SNX13: variants seen among roughly 807,000 people sequenced by gnomAD.
SNX13 encodes sorting nexin 13, also known as sorting nexin-13.
SNX13 carries 45 observed loss-of-function variants against 133.6 expected under a neutral mutation model. The observed-to-expected ratio is 0.34, with a 90% CI of 0.27 to 0.43. The LOEUF is 0.43. Among genes scored for constraint, SNX13 ranks in the 20% least tolerant of loss-of-function variants. The pLI, the probability that SNX13 is intolerant of heterozygous loss-of-function variation, is 1.00. For missense variants in SNX13, 1,032 were observed against 1,145.1 expected, an observed-to-expected ratio of 0.90 and a Z score of 1.43; for synonymous variants, 414 against 373.9, an observed-to-expected ratio of 1.11 and a Z score of -1.24.
chr7:17,940,138 A>T, intron 1 of SNX13, 146 bp downstream of exon 1: 2 of 1,045,388 alleles, frequency 1.9e-6, no homozygotes, highest in Non-Finnish European at 2.9e-6. Context: ...CTCTGAGGGC[A>T]CTTGTAGGAT....
rs1269315491 is a variant in SNX13 at position 17,890,498 on chromosome 7, ATTGG to A, written c.319-18_319-15del. 2.6e-6 allele frequency: 4 copies of A among 1,539,086 alleles called. No homozygotes were observed. The Admixed American group carries it at 8.4e-5, about 32-fold the overall frequency. ...AAACTGGATAACCTATAACAAAAAT[ATTGG>A]AAAAAAAATTACAACATTTTAGGAT... On this transcript the variant is annotated splice_polypyrimidine_tract_variant and intron_variant, in intron 4 of 25. Transcript: ENST00000428135.
intron 25 of SNX13, chr7:17,795,007 G>C (rs1783895832): frequency 6.6e-6 from 1 of 151,652 alleles, no homozygotes; most frequent in Admixed American, 6.6e-5. Context: ...GGTGCAATGA[G>C]ATGAAGGATT....
intron 7 of SNX13, among the ~76,000 whole-genome samples, chr7:17,873,830 T>G (rs1197966760): frequency 6.6e-6 from 1 of 152,192 alleles, no homozygotes; most frequent in Non-Finnish European, 1.5e-5. Flanking sequence ...TTTTTTAATT[T>G]TGCTGTTTTA....
chr7:17,879,390 T>C (rs544522346), intron 5 of SNX13: 4 of 152,330 alleles, frequency 2.6e-5, no homozygotes, highest in Middle Eastern at 6.8e-3. Flanking sequence ...GTTTTATTCA[T>C]AGCTGTATCC....
chr7:17,879,274 T>C (rs948807383), intron 5 of SNX13, among the ~76,000 whole-genome samples: 3 of 152,198 alleles, frequency 2.0e-5, no homozygotes, highest in Admixed American at 1.3e-4. Context: ...CACATGCATA[T>C]TCACAGTGCA....
At chr7:17,878,322 A>G (rs1794952067) in intron 5 of SNX13, among the ~76,000 whole-genome samples, 1 of 152,212 alleles carries the variant, frequency 6.6e-6, no homozygotes, top group African/African-American at 2.4e-5. Context: ...TCTTGAATTT[A>G]AAAATAAAAG....
chr7:17,921,643 C>T (rs1455019876), intron 1 of SNX13, among the ~76,000 whole-genome samples: 2 of 152,168 alleles, frequency 1.3e-5, no homozygotes, highest in African/African-American at 4.8e-5. Flanking sequence ...AATTCCTGCC[C>T]ATTAGCATTA....
chr7:17,916,678 AC>A (rs1387119790), intron 1 of SNX13, among the ~76,000 whole-genome samples: 1 of 151,652 alleles, frequency 6.6e-6, no homozygotes, highest in Non-Finnish European at 1.5e-5. Context: ...GAACGTATCA[AC>A]CAAAAAAAAA....
At chr7:17,843,655 C>T (rs1423832717) in intron 12 of SNX13, among the ~76,000 whole-genome samples, 1 of 151,956 alleles carries the variant, frequency 6.6e-6, no homozygotes, top group Admixed American at 6.6e-5. Context: ...TCTGAACAGA[C>T]CATACAGTGG....
chr7:17,918,946 TG>T (rs1799841845), intron 1 of SNX13, among the ~76,000 whole-genome samples: 1 of 152,126 alleles, frequency 6.6e-6, no homozygotes, highest in Non-Finnish European at 1.5e-5. Flanking sequence ...TGCAGCAACA[TG>T]GATGCAGGTG....
intron 20 of SNX13, among the ~76,000 whole-genome samples, chr7:17,805,913 G>A (rs1362062727): frequency 6.6e-6 from 1 of 152,006 alleles, no homozygotes; most frequent in Non-Finnish European, 1.5e-5. Flanking sequence ...GGTGACTGTT[G>A]GTTAACCATG....
At chr7:17,924,925 C>T (rs556722469) in intron 1 of SNX13, among the ~76,000 whole-genome samples, 140 of 152,166 alleles carry the variant, frequency 9.2e-4, no homozygotes, top group African/African-American at 3.2e-3. Context: ...CAGGCAAAAC[C>T]GGCCTGGCAC....
chr7:17,937,606 T>A (rs763817099), intron 1 of SNX13, among the ~76,000 whole-genome samples: 2 of 151,748 alleles, frequency 1.3e-5, no homozygotes, highest in Non-Finnish European at 2.9e-5. Flanking sequence ...TCATTATGTA[T>A]CTATGTACTT....
chr7:17,896,090 C>T (rs1320847831), intron 2 of SNX13, among the ~76,000 whole-genome samples: 1 of 152,130 alleles, frequency 6.6e-6, no homozygotes, highest in Admixed American at 6.5e-5. Flanking sequence ...GCCATGCTGT[C>T]GCCTTAACTG....
At position 17,803,512 on chromosome 7, in the gene SNX13, A is replaced by T. The variant is rs764694862; in HGVS notation, c.2133T>A (p.Pro711=). 1 of 1,612,578 alleles carries T rather than the reference A, an allele frequency of 6.2e-7. No individual in the cohort carries two copies. Among genetic ancestry groups the T allele is most frequent in the African/African-American group, 1.3e-5 (1 of 75,020 alleles). Reference sequence around the variant, plus strand: ...TAGTCATTCCCTCTGCCAAGCTATCAGGAAGGGATTTAACTGCATTTGAAA... The same window carrying T: ...TAGTCATTCCCTCTGCCAAGCTATCTGGAAGGGATTTAACTGCATTTGAAA... ...RNVSNAVKSL[P]DSLAEGMTKM... The change falls in exon 21 of 26, where the codon CCT becomes CCA. Residue 711 remains proline, a synonymous_variant. Transcript: ENST00000428135.
At chr7:17,811,871 A>G (rs1583326762) in intron 20 of SNX13, among the ~76,000 whole-genome samples, 1 of 152,136 alleles carries the variant, frequency 6.6e-6, no homozygotes, top group Non-Finnish European at 1.5e-5. Flanking sequence ...ATCTTTGAAA[A>G]CCCTGACAAA....
At chr7:17,889,493 T>C (rs898241269) in intron 5 of SNX13, 1 of 151,386 alleles carries the variant, frequency 6.6e-6, no homozygotes, top group South Asian at 2.1e-4. Context: ...CATATTTTAA[T>C]GGAATAAAAA....
At position 17,875,775 on chromosome 7, in the gene SNX13, G is replaced by T. The variant is rs368483958; in HGVS notation, c.456C>A (p.Asp152Glu). 4 of 1,602,554 alleles carry T rather than the reference G, an allele frequency of 2.5e-6. No individual in the cohort carries two copies. The highest frequency in any genetic ancestry group is 3.4e-6 in the Non-Finnish European group (4 of 1,173,814). The change falls in exon 6 of 26, where the codon GAC becomes GAA. Residue 152 changes from aspartate (D) to glutamate (E), a missense_variant. Coordinates refer to ENST00000428135, the MANE Select transcript of SNX13 (RefSeq NM_015132.5). ...IQFATRSKEI[D>E]WQPYFTTRIV... Reference sequence around the variant, plus strand: ...TGCGTGTAGTAAAATAAGGTTGCCAGTCTATTTCTTTTGACCTTATAAAAA... The same window carrying T: ...TGCGTGTAGTAAAATAAGGTTGCCATTCTATTTCTTTTGACCTTATAAAAA...
At chr7:17,920,709 T>C (rs962817929) in intron 1 of SNX13, among the ~76,000 whole-genome samples, 1 of 152,218 alleles carries the variant, frequency 6.6e-6, no homozygotes, top group African/African-American at 2.4e-5. Context: ...GAGGGTTCTT[T>C]GTGAATTTCA....
Sources: gnomAD v4.1 joint callset for allele counts (sites outside exome capture counted in the v4.1 genomes callset) on GRCh38, gnomAD v4.1.1 for gene constraint, MANE v1.5 for transcripts, NCBI Gene and HGNC (gene_info 2026-07-23, HGNC 2026-07-21) for gene names.